Variants in AKT2 observed in about 807,000 individuals in gnomAD.
The protein encoded by AKT2 is AKT serine/threonine kinase 2.
AKT2 carries 16 observed loss-of-function variants against 58.6 expected under a neutral mutation model. The observed-to-expected ratio is 0.27, with a 90% CI of 0.18 to 0.41. The LOEUF (loss-of-function observed/expected upper bound fraction) is 0.41, where lower values mean the gene tolerates loss of function less well. Among genes scored for constraint, AKT2 ranks in the 10% least tolerant of loss-of-function variants. The probability of loss-of-function intolerance (pLI) is 1.00; values close to 1 mark genes in which losing one functional copy is unlikely to be tolerated. For missense variants in AKT2, 438 were observed against 661.0 expected (o/e 0.66, Z 3.70); for synonymous variants, 253 against 254.0 (o/e 1.00, Z 0.04).
At chr19:40,240,196 A>ATGTGTGAGCGACTTC in intron 6 of AKT2, 86 bp from the exon 7 acceptor site, 3 of 1,335,402 alleles carry the variant, frequency 2.2e-6, no homozygotes, top group Non-Finnish European at 3.2e-6. Flanking sequence ...GGCCTTGTGA[A>ATGTGTGAGCGACTTC]ATGCAATTCC....
rs199777753 is a variant in AKT2 at position 40,242,090 on chromosome 19, G to T, written c.442-21C>A. ...ATGGTCTGCCAGGGACAGGGAGAGT[G>T]GGGGCAGTCAGCGCCTGGCTCATGG... On this transcript the variant is annotated intron_variant, in intron 5 of 13. Coordinates refer to ENST00000392038, the MANE Select transcript of AKT2 (RefSeq NM_001626.6). This position sits in a 1 kb window ranked among gnomAD's most constrained non-coding sequence, Gnocchi z 4.3. 6.2e-7 allele frequency: 1 copy of T among 1,614,062 alleles called. No homozygotes were observed. Among genetic ancestry groups the T allele is most frequent in the African/African-American group, 1.3e-5 (1 of 75,054 alleles).
At chr19:40,265,674 G>T in intron 1 of AKT2, 1 of 339,496 alleles carries the variant, frequency 2.9e-6, no homozygotes, top group Non-Finnish European at 5.7e-6. Flanking sequence ...AGGTAGCCGT[G>T]CCCTGCCCTC....
At position 40,232,058 on chromosome 19, in the gene AKT2, G is replaced by A. The variant is rs1973728752; in HGVS notation, c.*1814C>T. 4.3e-6 allele frequency: 1 copy of A among 233,544 alleles called. No homozygotes were observed. The highest frequency in any genetic ancestry group is 2.2e-5 in the African/African-American group (1 of 45,312). The allele number at this position is 233,544 out of a possible 1,614,324, so 14.5% of individuals were successfully genotyped here. A position where few individuals can be genotyped will look rare whatever the true frequency, so the allele number is the denominator to read the frequency against. ...CTGTCCCTCCACCCCACCTCTCTTA[G>A]CCTAAGCAGCACTGAGGGCCTGGAG... On this transcript the variant is annotated 3_prime_UTR_variant, in exon 14 of 14. Transcript: ENST00000392038.
intron 3 of AKT2, 86 bp from the exon 4 acceptor site, chr19:40,255,355 G>C: frequency 9.4e-7 from 1 of 1,064,142 alleles, no homozygotes; most frequent in Admixed American, 1.7e-5. Context: ...ACCTCCCACA[G>C]GCCTAGCCCC....
At chr19:40,249,547 T>A (rs1028744909) in intron 4 of AKT2, among the ~76,000 whole-genome samples, 1 of 152,164 alleles carries the variant, frequency 6.6e-6, no homozygotes, top group Non-Finnish European at 1.5e-5. Flanking sequence ...CTGTCCTTCA[T>A]GCACAAGCCC....
chr19:40,255,121 C>A, intron 4 of AKT2, 37 bp downstream of exon 4: 1 of 1,516,446 alleles, frequency 6.6e-7, no homozygotes, highest in South Asian at 1.1e-5. Context: ...CAGGCTTGCT[C>A]CCTCTCAAGG....
intron 6 of AKT2, 85 bp from the exon 7 acceptor site, chr19:40,240,195 AAATGC>A: frequency 2.2e-6 from 3 of 1,348,010 alleles, no homozygotes; most frequent in Non-Finnish European, 3.2e-6. Flanking sequence ...AGGCCTTGTG[AAATGC>A]AATTCCATTC....
chr19:40,267,696 A>T (rs148742400), intron 1 of AKT2, among the ~76,000 whole-genome samples: 58 of 152,324 alleles, frequency 3.8e-4, no homozygotes, highest in African/African-American at 1.2e-3. Flanking sequence ...AGCCAGGGAC[A>T]CACTACCAGA....
intron 4 of AKT2, among the ~76,000 whole-genome samples, chr19:40,245,294 T>C (rs1974674416): frequency 6.6e-6 from 1 of 152,102 alleles, no homozygotes; most frequent in African/African-American, 2.4e-5. Flanking sequence ...ATCCCTGCAA[T>C]TTAGGAGGCA....
chr19:40,234,999 C>T lies in AKT2; in HGVS notation c.1366+46G>A. 2 of 1,530,560 alleles carry T rather than the reference C, an allele frequency of 1.3e-6. No homozygotes were observed. 94.8% of individuals were successfully genotyped at this position (1,530,560 alleles called of 1,614,324 possible). On this transcript the variant is annotated intron_variant, in intron 13 of 13. Transcript: ENST00000392038. This position sits in a 1 kb window ranked among gnomAD's most constrained non-coding sequence, Gnocchi z 4.7. Reference sequence around the variant, plus strand: ...TGAGTTAAGAGCAGATCCCATCCCTCCACCCCTGGGGCAGGCACACCAGCG... The same window carrying T: ...TGAGTTAAGAGCAGATCCCATCCCTTCACCCCTGGGGCAGGCACACCAGCG...
At chr19:40,250,530 CA>C (rs949656717) in intron 4 of AKT2, among the ~76,000 whole-genome samples, 7 of 146,382 alleles carry the variant, frequency 4.8e-5, no homozygotes, top group African/African-American at 1.8e-4. Context: ...AGATTTACGT[CA>C]AAAAGATCAC....
chr19:40,254,429 G>A (rs1229103727), intron 4 of AKT2, among the ~76,000 whole-genome samples: 1 of 152,046 alleles, frequency 6.6e-6, no homozygotes, highest in Admixed American at 6.5e-5. Flanking sequence ...TTGGGAGGCT[G>A]AGGCAGGAGA....
At chr19:40,239,632 A>C (rs1380151557) in intron 7 of AKT2, 2 of 364,886 alleles carry the variant, frequency 5.5e-6, no homozygotes, top group East Asian at 1.4e-4. Context: ...ACTGCAGCCC[A>C]AACAGGCATC....
At chr19:40,275,476 TGTTACTATCCCC>T (rs1167474913) in intron 1 of AKT2, 1 of 376,584 alleles carries the variant, frequency 2.7e-6, no homozygotes, top group Admixed American at 3.1e-5. Flanking sequence ...AGCCAGCCTG[TGTTACTATCCCC>T]GTTCCTCACA....
At chr19:40,245,309 C>T (rs1158226140) in intron 4 of AKT2, among the ~76,000 whole-genome samples, 1 of 152,110 alleles carries the variant, frequency 6.6e-6, no homozygotes, top group Non-Finnish European at 1.5e-5. Context: ...GAGGCAGAGG[C>T]TGGAGGACTG....
rs1974469773 is a variant in AKT2 at position 40,242,414 on chromosome 19, G to A, written c.441+120C>T. Reference sequence around the variant, plus strand: ...CACCTGAAATCACCCCACCCTGCAGGGCAGCCTTGTCTCTCAGCTGAGCCC... The same window carrying A: ...CACCTGAAATCACCCCACCCTGCAGAGCAGCCTTGTCTCTCAGCTGAGCCC... On this transcript the variant is annotated intron_variant, in intron 5 of 13. Transcript: ENST00000392038. The surrounding 1 kb of genome is among the most constrained non-coding windows in gnomAD (Gnocchi z 4.3). The A allele has an allele frequency of 1.4e-6, 2 of 1,475,936 alleles. No individual in the cohort carries two copies. Among genetic ancestry groups the A allele is most frequent in the African/African-American group, 1.4e-5 (1 of 72,314 alleles). The allele number at this position is 1,475,936 out of a possible 1,614,324, so 91.4% of individuals were successfully genotyped here.
intron 4 of AKT2, among the ~76,000 whole-genome samples, chr19:40,250,759 T>C (rs997242170): frequency 6.6e-6 from 1 of 151,786 alleles, no homozygotes; most frequent in Admixed American, 6.6e-5. Flanking sequence ...ATCCGGGAGA[T>C]TGAGGCTGCA....
chr19:40,264,192 G>A (rs957939992), intron 2 of AKT2, among the ~76,000 whole-genome samples: 11 of 152,244 alleles, frequency 7.2e-5, no homozygotes, highest in African/African-American at 2.2e-4. Context: ...GCAGCCAACC[G>A]CCACACCTGG....
chr19:40,233,379 G>T lies in AKT2; in HGVS notation c.*493C>A. 2.3e-6 allele frequency: 1 copy of T among 431,254 alleles called. No homozygotes were observed. The highest frequency in any genetic ancestry group is 4.1e-5 in the East Asian group (1 of 24,200). 26.7% of individuals were successfully genotyped at this position (431,254 alleles called of 1,614,324 possible). ...TTTTCTGCCCCCATAGGGGGACAGC[G>T]GGTGGGGGATTGGACCGCCCCGTGC... On this transcript the variant is annotated 3_prime_UTR_variant, in exon 14 of 14. Coordinates refer to ENST00000392038, the MANE Select transcript of AKT2 (RefSeq NM_001626.6). The surrounding 1 kb of genome is among the most constrained non-coding windows in gnomAD (Gnocchi z 4.3).
Sources: allele counts gnomAD v4.1 joint callset (sites outside exome capture counted in the v4.1 genomes callset), GRCh38; gene constraint gnomAD v4.1.1; non-coding constraint Gnocchi (gnomAD v3.1); transcripts MANE v1.5; gene names NCBI Gene and HGNC (gene_info 2026-07-23, HGNC 2026-07-21).